NISCH: variants seen among roughly 807,000 people sequenced by gnomAD.
NISCH encodes the protein nischarin.
Under a neutral mutation model 138.4 loss-of-function variants are expected in NISCH, and 55 were observed. The ratio of observed to expected loss-of-function variants is 0.40; its 90% CI spans 0.32 to 0.50. The LOEUF (loss-of-function observed/expected upper bound fraction) is 0.50. NISCH is among the 20% of genes least tolerant of loss of function. NISCH has a pLI of 0.71. For synonymous variants in NISCH, 860 were observed against 861.5 expected (o/e 1.00, Z 0.03); for missense variants, 1,643 against 2,005.5 (o/e 0.82, Z 3.45).
chr3:52,477,671 G>C (rs373307859), intron 9 of NISCH, 29 bp downstream of exon 9: 80 of 1,576,086 alleles, frequency 5.1e-5, no homozygotes, highest in Non-Finnish European at 6.9e-5. Flanking sequence ...AGTGCTGCCC[G>C]CACACACTCC....
rs142162906 is a variant in NISCH at position 52,479,975 on chromosome 3, C to G, written c.1416+113C>G. ...CAGGGCTGCCGAGTCCCAGCTGCGC[C>G]CCTCCCTGGCTGCATGACCTCGGGC... On this transcript the variant is annotated intron_variant, in intron 12 of 20. Coordinates refer to ENST00000345716, the MANE Select transcript of NISCH (RefSeq NM_007184.4). The G allele has an allele frequency of 2.7e-4, 270 of 994,476 alleles. 1 individual carries two copies. The East Asian group carries it at 6.8e-3, about 25-fold the overall frequency. The allele number at this position is 994,476 out of a possible 1,614,324, so 61.6% of individuals were successfully genotyped here.
intron 13 of NISCH, chr3:52,480,546 C>A (rs1707243073): frequency 1.4e-6 from 2 of 1,471,278 alleles, no homozygotes; most frequent in Non-Finnish European, 1.8e-6. Context: ...CTCTAGGAGA[C>A]CGCAGGGTGT....
rs1460930797 is a variant in NISCH, at chr3:52,492,861, GC to G, written c.*380del. The G allele has an allele frequency of 2.7e-5, 7 of 256,614 alleles. No individual in the cohort carries two copies. The East Asian group carries it at 6.7e-4, about 25-fold the overall frequency. 15.9% of individuals were successfully genotyped at this position (256,614 alleles called of 1,614,324 possible). ...TGCTGTTGCTGTTGCTGTTGCTGTT[GC>G]TGTTGGCATCTTGCTGCTAATCCTG... is the stretch of plus-strand genomic sequence containing the variant. On this transcript the variant is annotated 3_prime_UTR_variant, in exon 21 of 21. Transcript: ENST00000345716.
rs771615754 is a variant in NISCH at position 52,471,837 on chromosome 3, G to A, written c.433G>A (p.Glu145Lys). ...AGGAGAACAGCTCCTGGGGGCCGGC[G>A]AGGTCTTTGCCATTGGACCCCTGCA... Reference protein sequence around the residue: ...EKGEQLLGAGEVFAIGPLQLY... With the variant: ...EKGEQLLGAGKVFAIGPLQLY... The change falls in exon 5 of 21, where the codon GAG (glutamate) becomes AAG (lysine). Residue 145 changes from glutamate (E) to lysine (K), a missense_variant. Physicochemically the swap from Glu to Lys is moderately conservative, Grantham distance 56. Coordinates refer to ENST00000345716, the MANE Select transcript of NISCH (RefSeq NM_007184.4). 4.3e-6 allele frequency: 7 copies of A among 1,613,828 alleles called. No individual in the cohort carries two copies. In the African/African-American group the frequency reaches 5.3e-5, roughly 12 times the overall value.
rs955497107 is a variant in NISCH at position 52,479,598 on chromosome 3, G to A, written c.1303-151G>A. The stretch of plus-strand genomic sequence containing the variant: ...GCCTATGGTGTCCTCACGTGGCCTG[G>A]CCCACAGCAGGTGCTCACGCCTCCT... On this transcript the variant is annotated intron_variant, in intron 11 of 20. Transcript: ENST00000345716. The A allele has an allele frequency of 7.2e-5, 46 of 636,496 alleles. 1 individual carries two copies. In the South Asian group the frequency reaches 7.8e-4, roughly 11 times the overall value. The allele number at this position is 636,496 out of a possible 1,614,324, so 39.4% of individuals were successfully genotyped here. A position where few individuals can be genotyped will look rare whatever the true frequency, so the allele number is the denominator to read the frequency against.
In NISCH at chr3:52,471,927, A is replaced by G; in HGVS notation, c.523A>G (p.Thr175Ala). Residue 175 changes from threonine to alanine, a missense_variant, in exon 5 of 21, where the codon ACC becomes GCC. Thr to Ala is a moderately conservative substitution (Grantham distance 58). Transcript: ENST00000345716. ...KPTCASGDAK[T>A]DLGHILDFTC... ...CACGTGCGCCAGTGGGGATGCCAAGACCGACCTCGGGCACATCCTGGACTT... is the reference window on the plus strand; with the variant it reads ...CACGTGCGCCAGTGGGGATGCCAAGGCCGACCTCGGGCACATCCTGGACTT... 2 of 1,611,640 alleles carry G rather than the reference A, an allele frequency of 1.2e-6. No homozygotes were observed. The highest frequency in any genetic ancestry group is 8.5e-7 in the Non-Finnish European group (1 of 1,178,434).
chr3:52,492,528 G>T lies in NISCH; in HGVS notation c.*46G>T, dbSNP rs1433082901. ...TCGTGTCCAGCCTGACGCCTACTGG[G>T]GCAGGGCAGCAGGCTTTTGTGTTCT... On this transcript the variant is annotated 3_prime_UTR_variant, in exon 21 of 21. Transcript: ENST00000345716. 3 of 1,524,998 alleles carry T rather than the reference G, an allele frequency of 2.0e-6. No individual in the cohort carries two copies. In the African/African-American group the frequency reaches 4.2e-5, roughly 21 times the overall value. The allele number at this position is 1,524,998 out of a possible 1,614,324, so 94.5% of individuals were successfully genotyped here.
Position 52,492,050 on chromosome 3 carries a change from T to G in NISCH, c.4083T>G (p.Pro1361=). 1.9e-6 allele frequency: 3 copies of G among 1,613,042 alleles called. No homozygotes were observed. Among genetic ancestry groups the G allele is most frequent in the Non-Finnish European group, 2.5e-6 (3 of 1,179,926 alleles). Residue 1361 remains proline (P), a synonymous_variant, in exon 21 of 21, where the codon CCT becomes CCG. Transcript: ENST00000345716. The part of the protein sequence containing the change: ...VQAFQVGMPP[P]GCCRGPLRPK... Reference sequence around the variant, plus strand: ...CCTTCCAGGTGGGCATGCCACCCCCTGGGTGCTGCAGGGGCCCCCTGCGCC... The same window carrying G: ...CCTTCCAGGTGGGCATGCCACCCCCGGGGTGCTGCAGGGGCCCCCTGCGCC...
At chr3:52,470,810 G>T in intron 3 of NISCH, 49 bp from the exon 4 acceptor site, 1 of 1,491,492 alleles carries the variant, frequency 6.7e-7, no homozygotes, top group Non-Finnish European at 9.4e-7. Context: ...TGACCCCAGG[G>T]ACTGGGGTCA....
chr3:52,471,060 T>C (rs1226940645), intron 4 of NISCH, among the ~76,000 whole-genome samples, 153 bp downstream of exon 4: 3 of 152,062 alleles, frequency 2.0e-5, no homozygotes, highest in African/African-American at 7.2e-5. Context: ...TCAGTACTCT[T>C]GAGTACCATG....
intron 11 of NISCH, among the ~76,000 whole-genome samples, chr3:52,478,788 A>G (rs1441833405): frequency 1.3e-5 from 2 of 152,152 alleles, no homozygotes; most frequent in Non-Finnish European, 2.9e-5. Flanking sequence ...CTGGGATAAC[A>G]TTGTTTATTC....
rs1707592019 is a variant in NISCH, at chr3:52,492,346, G to C, written c.4379G>C (p.Arg1460Thr). 1 of 1,613,442 alleles carries C rather than the reference G, an allele frequency of 6.2e-7. No individual in the cohort carries two copies. Among genetic ancestry groups the C allele is most frequent in the Non-Finnish European group, 8.5e-7 (1 of 1,180,046 alleles). The stretch of plus-strand genomic sequence containing the variant: ...GGGGAGGTGCCAGGTGGCCCGGCTA[G>C]AGCCAGCCAGGGCCGTGAAGTCCAG... Reference protein sequence around the residue: ...HFGEVPGGPARASQGREVQWQ... With the variant: ...HFGEVPGGPATASQGREVQWQ... Residue 1460 changes from arginine (R) to threonine (T), a missense_variant, in exon 21 of 21, where the codon AGA becomes ACA. Coordinates refer to ENST00000345716, the MANE Select transcript of NISCH (RefSeq NM_007184.4).
chr3:52,481,502 A>G (rs1707271296), intron 13 of NISCH: 1 of 985,464 alleles, frequency 1.0e-6, no homozygotes, highest in African/African-American at 1.7e-5. Context: ...CACGGTGAGA[A>G]AGCTTCCCTG....
At chr3:52,476,263 G>A in intron 7 of NISCH, 184 bp from the exon 8 acceptor site, 1 of 648,478 alleles carries the variant, frequency 1.5e-6, no homozygotes, top group Non-Finnish European at 2.7e-6. Context: ...GTGGTAAATT[G>A]TTCAGCTTTG....
In NISCH at chr3:52,476,434, T is replaced by C. The variant is rs538434353; in HGVS notation, c.766-13T>C. ...GCCCGAGTGTGGTGCTCCACACAGA[T>C]GTTTTTATGCAGGAAGTCCTTGTTC... is the stretch of plus-strand genomic sequence containing the variant. On this transcript the variant is annotated splice_polypyrimidine_tract_variant and intron_variant, in intron 7 of 20. Transcript: ENST00000345716. 8.1e-6 allele frequency: 13 copies of C among 1,613,904 alleles called. No homozygotes were observed. In the South Asian group the frequency reaches 1.3e-4, roughly 16 times the overall value.
chr3:52,480,497 G>A, intron 13 of NISCH: 1 of 1,526,258 alleles, frequency 6.6e-7, no homozygotes. Context: ...TGCTTGCTTG[G>A]TGAGGACTCC....
chr3:52,488,673 T>G, intron 16 of NISCH, 68 bp downstream of exon 16: 1 of 1,327,266 alleles, frequency 7.5e-7, no homozygotes, highest in South Asian at 1.4e-5. Flanking sequence ...TCTCAGCATC[T>G]GCGGCTAGTG....
chr3:52,460,186 CAAAAAA>C (rs60865450), intron 3 of NISCH, among the ~76,000 whole-genome samples: 13 of 56,204 alleles, frequency 2.3e-4, no homozygotes, highest in African/African-American at 8.4e-4. Flanking sequence ...GACTTCATCT[CAAAAAA>C]AAAAAAAAAA....
At chr3:52,477,506 C>T in intron 8 of NISCH, 68 bp from the exon 9 acceptor site, 1 of 1,377,026 alleles carries the variant, frequency 7.3e-7, no homozygotes, top group Non-Finnish European at 1.0e-6. Context: ...TGCCCGTCCA[C>T]TGTGTCGGGG....
Sources: gnomAD v4.1 joint callset for allele counts (sites outside exome capture counted in the v4.1 genomes callset) on GRCh38, gnomAD v4.1.1 for gene constraint, MANE v1.5 for transcripts, NCBI Gene and HGNC (gene_info 2026-07-23, HGNC 2026-07-21) for gene names.